The following NRCAM variants were observed in gnomAD, a reference collection of about 807,000 sequenced individuals.
The protein encoded by NRCAM is neuronal cell adhesion molecule.
In NRCAM, 83 loss-of-function variants were observed where a neutral mutation model predicts 156.5. The ratio of observed to expected loss-of-function variants is 0.53; its 90% CI spans 0.44 to 0.64. NRCAM has a LOEUF of 0.64. NRCAM is among the 30% of genes least tolerant of loss of function. The pLI is 0.00. For synonymous variants in NRCAM, 538 were observed against 563.9 expected (o/e 0.95, Z 0.65); for missense variants, 1,417 against 1,597.3 (o/e 0.89, Z 1.92).
intron 3 of NRCAM, among the ~76,000 whole-genome samples, chr7:108,290,186 C>T (rs937176186): frequency 2.6e-5 from 4 of 152,132 alleles, no homozygotes; most frequent in South Asian, 2.1e-4. Context: ...TGTCATGAGA[C>T]GTGCATCCTT....
intron 32 of NRCAM, among the ~76,000 whole-genome samples, chr7:108,153,795 A>G (rs2043164713): frequency 6.6e-6 from 1 of 152,178 alleles, no homozygotes; most frequent in East Asian, 1.9e-4. Flanking sequence ...GCAAAAAATT[A>G]GGAAATAAAA....
At chr7:108,231,622 G>A (rs1172268725) in intron 7 of NRCAM, among the ~76,000 whole-genome samples, 1 of 152,176 alleles carries the variant, frequency 6.6e-6, no homozygotes, top group Non-Finnish European at 1.5e-5. Flanking sequence ...TAGTATTTCA[G>A]AAAATGAGCT....
At chr7:108,370,665 G>A (rs2099622664) in intron 2 of NRCAM, among the ~76,000 whole-genome samples, 2 of 151,944 alleles carry the variant, frequency 1.3e-5, no homozygotes, top group Non-Finnish European at 2.9e-5. Flanking sequence ...TGTTTTGTGT[G>A]CTCCAAAGTA....
chr7:108,176,937 C>T (rs1213607495), intron 26 of NRCAM, among the ~76,000 whole-genome samples: 4 of 152,084 alleles, frequency 2.6e-5, no homozygotes, highest in Non-Finnish European at 5.9e-5. Flanking sequence ...TAAATAACCC[C>T]AAACATTTTT....
intron 3 of NRCAM, among the ~76,000 whole-genome samples, chr7:108,304,194 C>G (rs1472707507): frequency 6.6e-6 from 1 of 152,160 alleles, no homozygotes; most frequent in Non-Finnish European, 1.5e-5. Context: ...TTGTGATTTT[C>G]CCCACTGTAA....
At chr7:108,277,942 T>C (rs1215520292) in intron 3 of NRCAM, among the ~76,000 whole-genome samples, 10 of 152,220 alleles carry the variant, frequency 6.6e-5, no homozygotes, top group Admixed American at 4.6e-4. Flanking sequence ...TCCTTTTCAT[T>C]GATGTTGATG....
At chr7:108,170,172 C>T (rs2057551795) in intron 28 of NRCAM, among the ~76,000 whole-genome samples, 2 of 151,514 alleles carry the variant, frequency 1.3e-5, no homozygotes, top group African/African-American at 4.9e-5. Flanking sequence ...AAAGAAATTA[C>T]CATATATATA....
chr7:108,296,141 A>G (rs67101551), intron 3 of NRCAM, among the ~76,000 whole-genome samples: 37,026 of 152,136 alleles, frequency 0.24, 5,007 homozygotes, highest in Middle Eastern at 0.3. Context: ...TGGAGAAAGC[A>G]TGCCAACTAC....
At chr7:108,267,566 A>T (rs1053616872) in intron 3 of NRCAM, among the ~76,000 whole-genome samples, 5 of 152,238 alleles carry the variant, frequency 3.3e-5, no homozygotes, top group African/African-American at 1.2e-4. Context: ...ACCCCAAAAA[A>T]GCCCACTTAA....
At chr7:108,334,178 C>A (rs2099155537) in intron 2 of NRCAM, among the ~76,000 whole-genome samples, 1 of 152,114 alleles carries the variant, frequency 6.6e-6, no homozygotes. Context: ...ATGGATGTGC[C>A]ATTACACATT....
At chr7:108,219,853 C>T (rs1020553574) in intron 11 of NRCAM, among the ~76,000 whole-genome samples, 9 of 152,066 alleles carry the variant, frequency 5.9e-5, no homozygotes, top group Non-Finnish European at 1.2e-4. Context: ...CTAGCCAGAG[C>T]AATCAGACAA....
chr7:108,416,652 G>A (rs1007240437), intron 1 of NRCAM, among the ~76,000 whole-genome samples: 8 of 152,146 alleles, frequency 5.3e-5, no homozygotes, highest in African/African-American at 1.9e-4. Flanking sequence ...GGTTTTTATA[G>A]TATGCTTTTC....
chr7:108,197,963 A>G lies in NRCAM; in HGVS notation c.1344T>C (p.Asn448=). ...YGYLLANAFV[N]VLAEPPRILT... is the part of the protein sequence containing the mutation. ...AATAAAATGAGAGCTTACCCAGCACATTTACAAATGCGTTTGCCAGTAAAT... is the reference window on the plus strand; with the variant it reads ...AATAAAATGAGAGCTTACCCAGCACGTTTACAAATGCGTTTGCCAGTAAAT... Residue 448 remains asparagine, a synonymous_variant, in exon 14 of 33, where the codon AAT becomes AAC. Coordinates refer to ENST00000379028, the MANE Select transcript of NRCAM (RefSeq NM_001037132.4). 1 of 1,573,952 alleles carries G rather than the reference A, an allele frequency of 6.4e-7. No individual in the cohort carries two copies. The highest frequency in any genetic ancestry group is 8.6e-7 in the Non-Finnish European group (1 of 1,163,430).
chr7:108,267,138 A>C (rs1201772569), intron 3 of NRCAM, among the ~76,000 whole-genome samples: 1 of 152,248 alleles, frequency 6.6e-6, no homozygotes, highest in Non-Finnish European at 1.5e-5. Flanking sequence ...TTAGGGAACC[A>C]GAATCTTTTA....
At chr7:108,199,721 A>G (rs946422185) in intron 13 of NRCAM, among the ~76,000 whole-genome samples, 8 of 152,212 alleles carry the variant, frequency 5.3e-5, no homozygotes, top group African/African-American at 1.4e-4. Context: ...GGCCCAAATT[A>G]GATAGTCCAG....
chr7:108,314,153 G>A (rs2098845445), intron 2 of NRCAM, among the ~76,000 whole-genome samples: 1 of 152,146 alleles, frequency 6.6e-6, no homozygotes, highest in Non-Finnish European at 1.5e-5. Flanking sequence ...ATAGGGCACT[G>A]CTACATTTTT....
At chr7:108,297,245 C>T (rs2098469403) in intron 3 of NRCAM, among the ~76,000 whole-genome samples, 2 of 152,192 alleles carry the variant, frequency 1.3e-5, no homozygotes, top group Admixed American at 1.3e-4. Flanking sequence ...CTCTCAAAAA[C>T]AAATGCTAGA....
At chr7:108,307,826 T>C (rs1259687555) in intron 3 of NRCAM, among the ~76,000 whole-genome samples, 1 of 152,164 alleles carries the variant, frequency 6.6e-6, no homozygotes, top group South Asian at 2.1e-4. Flanking sequence ...ATAACCCTCC[T>C]GTCAGGATTC....
chr7:108,190,848 G>T (rs2070895673), intron 19 of NRCAM, among the ~76,000 whole-genome samples: 1 of 152,070 alleles, frequency 6.6e-6, no homozygotes, highest in African/African-American at 2.4e-5. Context: ...CCCAAAACAA[G>T]ATTTTTCCCA....
Sources: allele counts gnomAD v4.1 joint callset (sites outside exome capture counted in the v4.1 genomes callset), GRCh38; gene constraint gnomAD v4.1.1; transcripts MANE v1.5; gene names NCBI Gene and HGNC (gene_info 2026-07-23, HGNC 2026-07-21).